XKR4: variants seen among roughly 807,000 people sequenced by gnomAD.
XKR4 encodes XK related 4, also known as XK-related protein 4.
A neutral mutation model predicts 53.9 loss-of-function variants in XKR4; 12 were observed. The ratio of observed to expected loss-of-function variants is 0.22; its 90% confidence interval spans 0.14 to 0.36. XKR4 has a LOEUF of 0.36. Ranked by LOEUF, XKR4 falls within the 10% of genes least tolerant of loss-of-function variation. The pLI is 1.00. For synonymous variants in XKR4, 354 were observed against 362.4 expected, an observed-to-expected ratio of 0.98 and a Z score of 0.26; for missense variants, 799 against 859.5, an observed-to-expected ratio of 0.93 and a Z score of 0.88.
chr8:55,500,308 A>G (rs1806418866), intron 2 of XKR4, among the ~76,000 whole-genome samples: 1 of 152,118 alleles, frequency 6.6e-6, no homozygotes, highest in Non-Finnish European at 1.5e-5. Context: ...CTGCAAGTGT[A>G]AGATATCTTC....
intron 1 of XKR4, among the ~76,000 whole-genome samples, chr8:55,252,829 G>A (rs776889706): frequency 6.6e-6 from 1 of 152,216 alleles, no homozygotes; most frequent in African/African-American, 2.4e-5. Flanking sequence ...TGTCCAGTGG[G>A]AGAGGCAGAG....
chr8:55,523,124 A>G (rs1806823010), intron 2 of XKR4, among the ~76,000 whole-genome samples, 157 bp from the exon 3 acceptor site: 1 of 149,610 alleles, frequency 6.7e-6, no homozygotes, highest in Non-Finnish European at 1.5e-5. Context: ...TCTGGGCAAC[A>G]GAGCGAGACT....
At chr8:55,204,808 T>A (rs747963037) in intron 1 of XKR4, among the ~76,000 whole-genome samples, 2 of 152,250 alleles carry the variant, frequency 1.3e-5, no homozygotes, top group Non-Finnish European at 2.9e-5. Context: ...ATACTTTTTT[T>A]AGTTTCTGGT....
chr8:55,409,453 T>G (rs76957077), intron 2 of XKR4, among the ~76,000 whole-genome samples: 12,789 of 152,188 alleles, frequency 0.084, 1,178 homozygotes, highest in African/African-American at 0.23. Context: ...TGAAGAGGCA[T>G]AATGTGATGA....
intron 2 of XKR4, among the ~76,000 whole-genome samples, chr8:55,420,947 G>A (rs1318553843): frequency 6.6e-6 from 1 of 152,166 alleles, no homozygotes; most frequent in African/African-American, 2.4e-5. Flanking sequence ...TAAATCTGAT[G>A]AATAAAGTTG....
chr8:55,464,290 G>A (rs533881435), intron 2 of XKR4, among the ~76,000 whole-genome samples: 1 of 152,222 alleles, frequency 6.6e-6, no homozygotes, highest in South Asian at 2.1e-4. Context: ...GATCAAGTGG[G>A]CTTCATCCCT....
intron 2 of XKR4, among the ~76,000 whole-genome samples, chr8:55,383,169 C>T (rs1040900075): frequency 3.3e-5 from 5 of 152,088 alleles, no homozygotes; most frequent in Non-Finnish European, 5.9e-5. Flanking sequence ...GCTGAGATCT[C>T]GCCACTGCAC....
At chr8:55,429,356 C>A (rs1805065096) in intron 2 of XKR4, among the ~76,000 whole-genome samples, 1 of 151,856 alleles carries the variant, frequency 6.6e-6, no homozygotes. Context: ...CCTTGGGGAT[C>A]TAGAGCAAAG....
At chr8:55,387,089 T>C (rs1457187671) in intron 2 of XKR4, among the ~76,000 whole-genome samples, 1 of 152,364 alleles carries the variant, frequency 6.6e-6, no homozygotes, top group East Asian at 1.9e-4. Flanking sequence ...TCCGCTTCTG[T>C]AGTATCACAC....
At chr8:55,447,886 A>G (rs1805369556) in intron 2 of XKR4, among the ~76,000 whole-genome samples, 1 of 152,202 alleles carries the variant, frequency 6.6e-6, no homozygotes, top group Non-Finnish European at 1.5e-5. Flanking sequence ...TTGGTTTATT[A>G]AACCATTCGT....
intron 1 of XKR4, among the ~76,000 whole-genome samples, chr8:55,218,385 T>C (rs949834943): frequency 6.6e-6 from 1 of 152,182 alleles, no homozygotes; most frequent in East Asian, 1.9e-4. Context: ...TTATGAAACA[T>C]AGTATGAGGC....
chr8:55,167,106 G>C (rs1817079979), intron 1 of XKR4, among the ~76,000 whole-genome samples: 1 of 152,182 alleles, frequency 6.6e-6, no homozygotes, highest in African/African-American at 2.4e-5. Context: ...TTACTGGACT[G>C]GATGTGGGAA....
intron 1 of XKR4, among the ~76,000 whole-genome samples, chr8:55,289,662 A>AAG (rs1818967171): frequency 4.3e-5 from 4 of 93,574 alleles, no homozygotes; most frequent in Non-Finnish European, 9.0e-5. Flanking sequence ...AGGAAGGAAA[A>AAG]GAAAAGAAAA....
At chr8:55,139,231 G>A (rs1004391660) in intron 1 of XKR4, among the ~76,000 whole-genome samples, 1 of 152,162 alleles carries the variant, frequency 6.6e-6, no homozygotes, top group Non-Finnish European at 1.5e-5. Flanking sequence ...TTGCAATAAG[G>A]AAATGTAAGA....
chr8:55,210,738 G>T (rs948326627), intron 1 of XKR4, among the ~76,000 whole-genome samples: 5 of 152,196 alleles, frequency 3.3e-5, no homozygotes, highest in Non-Finnish European at 7.4e-5. Flanking sequence ...AAAGACAATA[G>T]CTCTTTGCTA....
intron 2 of XKR4, among the ~76,000 whole-genome samples, chr8:55,422,417 G>A (rs1804948331): frequency 2.0e-5 from 3 of 152,348 alleles, no homozygotes; most frequent in Admixed American, 6.5e-5. Flanking sequence ...GCAATAATGG[G>A]AGTGGGGAGG....
intron 2 of XKR4, among the ~76,000 whole-genome samples, chr8:55,365,884 T>C (rs112891573): frequency 3.1e-4 from 47 of 152,022 alleles, no homozygotes; most frequent in African/African-American, 1.1e-3. Context: ...TAGGGAAGGG[T>C]ACTGCCTGAG....
At chr8:55,232,669 C>T (rs1476420330) in intron 1 of XKR4, among the ~76,000 whole-genome samples, 1 of 152,164 alleles carries the variant, frequency 6.6e-6, no homozygotes, top group Non-Finnish European at 1.5e-5. Context: ...TCAAAAATTA[C>T]TCATGAGCTA....
At chr8:55,411,606 A>G (rs1804779428) in intron 2 of XKR4, among the ~76,000 whole-genome samples, 1 of 152,210 alleles carries the variant, frequency 6.6e-6, no homozygotes, top group Non-Finnish European at 1.5e-5. Flanking sequence ...ACGTTGTGGA[A>G]AAGAGATGAG....
Sources: allele counts gnomAD v4.1 joint callset (sites outside exome capture counted in the v4.1 genomes callset), GRCh38; gene constraint gnomAD v4.1.1; transcripts MANE v1.5; gene names NCBI Gene and HGNC (gene_info 2026-07-23, HGNC 2026-07-21).